PYY: variants seen among roughly 807,000 people sequenced by gnomAD.
The protein encoded by PYY is peptide tyrosine tyrosine.
PYY carries 12 observed loss-of-function variants against 10.3 expected under a neutral mutation model. The ratio of observed to expected loss-of-function variants is 1.17; its 90% CI spans 0.75 to 1.89. The LOEUF (loss-of-function observed/expected upper bound fraction) is 1.89, where lower values mean the gene tolerates loss of function less well. Ranked by LOEUF, PYY falls within the 40% of genes most tolerant of loss-of-function variation. PYY has a pLI of 0.00. For synonymous variants in PYY, 66 were observed against 62.0 expected, an observed-to-expected ratio of 1.06 and a Z score of -0.30; for missense variants, 141 against 134.0, an observed-to-expected ratio of 1.05 and a Z score of -0.26.
chr17:43,977,222 C>T (rs2048855121), intron 1 of PYY, among the ~76,000 whole-genome samples: 1 of 152,172 alleles, frequency 6.6e-6, no homozygotes, highest in African/African-American at 2.4e-5. Context: ...AATTCATTTA[C>T]CCAGGCACTT....
At chr17:43,958,136 A>AAAAAAAAAAAAAAAG (rs1491484268), upstream of PYY, 2 of 101,486 alleles carry the variant, frequency 2.0e-5, no homozygotes, top group African/African-American at 1.0e-4. Context: ...TGAATACACC[A>AAAAAAAAAAAAAAAG]AAAAAAAAAA....
In PYY at chr17:43,963,546, AG is replaced by A. The variant is rs1408190916; in HGVS notation, c.-218+2741del. Among the ~76,000 whole-genome samples, 126 of 142,640 alleles carry A rather than the reference AG, an allele frequency of 8.8e-4. 1 individual carries two copies. The South Asian group carries it at 0.023, about 26-fold the overall frequency. The allele number at this position is 142,640 out of a possible 152,430, so 93.6% of individuals were successfully genotyped here. A position where few individuals can be genotyped will look rare whatever the true frequency, so the allele number is the denominator to read the frequency against. ...AAGAAAGAAAGAAGGAAGAGAAGGA[AG>A]GGAAGGAAGGAAGGAAGGAAGGAAA... On this transcript the variant is annotated intron_variant, in intron 2 of 6. Coordinates refer to the PYY transcript ENST00000360085.
At chr17:43,976,199 A>ATGTATACATG (rs1266356868) in intron 1 of PYY, among the ~76,000 whole-genome samples, 1 of 100,936 alleles carries the variant, frequency 9.9e-6, no homozygotes, top group South Asian at 3.4e-4. Flanking sequence ...ATGTATACAT[A>ATGTATACATG]TATACATATA....
chr17:43,979,292 C>A (rs2048868214), intron 1 of PYY, among the ~76,000 whole-genome samples: 1 of 152,176 alleles, frequency 6.6e-6, no homozygotes, highest in South Asian at 2.1e-4. Flanking sequence ...TCTTATTAAG[C>A]CCTCCAAGTG....
At chr17:43,969,993 C>T (rs552017100) in intron 1 of PYY, among the ~76,000 whole-genome samples, 3 of 151,920 alleles carry the variant, frequency 2.0e-5, no homozygotes, top group African/African-American at 4.8e-5. Flanking sequence ...ACATCTGCCA[C>T]GGCCTCCCAA....
chr17:43,977,763 GA>G (rs2048858259), intron 1 of PYY, among the ~76,000 whole-genome samples: 1 of 152,100 alleles, frequency 6.6e-6, no homozygotes, highest in Non-Finnish European at 1.5e-5. Flanking sequence ...AAAACCTCCT[GA>G]AACTGCTGTC....
At chr17:43,985,255 A>G (rs573519292) in intron 1 of PYY, among the ~76,000 whole-genome samples, 2 of 152,184 alleles carry the variant, frequency 1.3e-5, no homozygotes, top group East Asian at 3.9e-4. Context: ...CTGTCACCCA[A>G]GCTGAAGTGC....
intron 1 of PYY, among the ~76,000 whole-genome samples, chr17:43,980,254 C>T (rs753719576): frequency 6.7e-6 from 1 of 149,486 alleles, no homozygotes; most frequent in Non-Finnish European, 1.5e-5. Context: ...ATCTCCACCT[C>T]CGGAGTTTAA....
At chr17:43,992,881 G>C (rs2048966890) in intron 1 of PYY, among the ~76,000 whole-genome samples, 1 of 127,952 alleles carries the variant, frequency 7.8e-6, no homozygotes, top group Non-Finnish European at 1.7e-5. Flanking sequence ...ACACAGGCTG[G>C]AACAGGGGGA....
At chr17:44,000,204 A>G (rs1029667941) in intron 1 of PYY, among the ~76,000 whole-genome samples, 3 of 152,164 alleles carry the variant, frequency 2.0e-5, no homozygotes, top group Admixed American at 2.0e-4. Flanking sequence ...ATTTAAAGTG[A>G]GACCAGGCGT....
upstream of PYY, among the ~76,000 whole-genome samples, chr17:43,955,456 C>A (rs570635353): frequency 6.6e-6 from 1 of 152,172 alleles, no homozygotes; most frequent in Non-Finnish European, 1.5e-5. Context: ...CACCTGCATT[C>A]TCCGGAAATG....
chr17:43,969,885 G>T (rs1250486005), intron 1 of PYY, among the ~76,000 whole-genome samples: 1 of 151,718 alleles, frequency 6.6e-6, no homozygotes, highest in Non-Finnish European at 1.5e-5. Flanking sequence ...TGGGATTATA[G>T]GTGCCCGCCA....
chr17:43,953,534 G>T (rs752203135), intron 1 of PYY, 51 bp from the exon 2 acceptor site: 1 of 1,480,910 alleles, frequency 6.8e-7, no homozygotes, highest in South Asian at 1.4e-5. Flanking sequence ...GACCCTACAC[G>T]GCGGGAGGCT....
chr17:43,992,758 C>T (rs140662895), intron 1 of PYY, among the ~76,000 whole-genome samples: 2,406 of 151,908 alleles, frequency 0.016, 70 homozygotes, highest in African/African-American at 0.055. Context: ...TGGTGGCAGG[C>T]GCCTGTAATC....
chr17:43,983,686 CG>C (rs913926546), intron 1 of PYY, among the ~76,000 whole-genome samples: 3 of 152,230 alleles, frequency 2.0e-5, no homozygotes, highest in African/African-American at 7.2e-5. Context: ...CAACGCTCCC[CG>C]GGGCCGGGTC....
chr17:43,993,977 C>T (rs1264089975), intron 1 of PYY, among the ~76,000 whole-genome samples: 1 of 152,042 alleles, frequency 6.6e-6, no homozygotes, highest in East Asian at 1.9e-4. Context: ...CCTCAGCCTG[C>T]CCAGTAGCTG....
At chr17:43,993,287 C>T (rs952897780) in intron 1 of PYY, among the ~76,000 whole-genome samples, 7 of 152,058 alleles carry the variant, frequency 4.6e-5, no homozygotes, top group Admixed American at 1.3e-4. Flanking sequence ...GGTGAAACCC[C>T]GTCTCTACTA....
rs537130040 is a variant in PYY, at chr17:43,981,116, T to C, written c.-462-14584A>G. 7.2e-5 allele frequency among the ~76,000 whole-genome samples: 11 copies of C among 152,110 alleles called. No individual in the cohort carries two copies. The South Asian group carries it at 1.0e-3, about 14-fold the overall frequency. On this transcript the variant is annotated intron_variant, in intron 1 of 6. Coordinates refer to the PYY transcript ENST00000360085. ...GACTCCTTGCCTCAAGCAATCCTCC[T>C]GCCTCAGCCTCCAAAAGTGCTGAGA... is the stretch of plus-strand genomic sequence containing the variant.
At chr17:43,958,239 T>C (rs919124240), upstream of PYY, among the ~76,000 whole-genome samples, 21 of 151,788 alleles carry the variant, frequency 1.4e-4, no homozygotes, top group African/African-American at 5.1e-4. Context: ...TGTCATAAAA[T>C]TTTTTTAGTT....
Sources: allele counts gnomAD v4.1 joint callset (sites outside exome capture counted in the v4.1 genomes callset), GRCh38; gene constraint gnomAD v4.1.1; transcripts MANE v1.5; gene names NCBI Gene and HGNC (gene_info 2026-07-23, HGNC 2026-07-21).